The following TCF4 variants were observed in gnomAD, a reference collection of about 807,000 sequenced individuals.
TCF4 encodes transcription factor 4, also known as SL3-3 enhancer factor 2.
In TCF4, 3 loss-of-function variants were observed where a neutral mutation model predicts 82.1. The ratio of observed to expected loss-of-function variants is 0.04; its 90% CI spans 0.02 to 0.09. The LOEUF (loss-of-function observed/expected upper bound fraction) is 0.09. Ranked by LOEUF, TCF4 falls within the 10% of genes least tolerant of loss-of-function variation. The pLI is 1.00. For missense variants in TCF4, 518 were observed against 852.7 expected, an observed-to-expected ratio of 0.61 and a Z score of 4.89; for synonymous variants, 276 against 309.6, an observed-to-expected ratio of 0.89 and a Z score of 1.14.
chr18:55,454,255 G>C (rs558182017), intron 5 of TCF4, among the ~76,000 whole-genome samples: 1 of 152,120 alleles, frequency 6.6e-6, no homozygotes, highest in Non-Finnish European at 1.5e-5. Context: ...AATATGGCCC[G>C]TTTCCTATCT....
chr18:55,334,027 A>AT lies in TCF4; in HGVS notation c.549+16331dup, dbSNP rs986562884. Reference sequence around the variant, plus strand: ...ATTGATTTACATTGATCTCAAGGGTATTTTTTTTTCTCTGATTTTTACCCA... The same window carrying AT: ...ATTGATTTACATTGATCTCAAGGGTATTTTTTTTTTCTCTGATTTTTACCCA... On this transcript the variant is annotated intron_variant, in intron 8 of 19. Transcript: ENST00000354452. 1.3e-3 allele frequency among the ~76,000 whole-genome samples: 200 copies of AT among 151,286 alleles called. 1 individual carries two copies. Among genetic ancestry groups the AT allele is most frequent in the African/African-American group, 4.3e-3 (179 of 41,230 alleles).
Position 55,461,003 on chromosome 18 carries a change from T to G in TCF4, c.304+16A>C, listed in dbSNP as rs758754562. On this transcript the variant is annotated intron_variant, in intron 5 of 19. Transcript: ENST00000354452. ...GAGCATTCAAAAAGTGTAAGTTAATTTAAAATGGGTCTTACTTTGTATTCT... is the reference window on the plus strand; with the variant it reads ...GAGCATTCAAAAAGTGTAAGTTAATGTAAAATGGGTCTTACTTTGTATTCT... The G allele has an allele frequency of 6.2e-7, 1 of 1,609,790 alleles. No individual in the cohort carries two copies. Among genetic ancestry groups the G allele is most frequent in the East Asian group, 2.2e-5 (1 of 44,776 alleles).
intron 6 of TCF4, among the ~76,000 whole-genome samples, chr18:55,402,445 A>G (rs2093877036): frequency 6.6e-6 from 1 of 152,016 alleles, no homozygotes; most frequent in Non-Finnish European, 1.5e-5. Flanking sequence ...CATCAAGAAC[A>G]TCAGAGGGTG....
chr18:55,604,693 C>T (rs757552007), intron 2 of TCF4, among the ~76,000 whole-genome samples: 2 of 152,166 alleles, frequency 1.3e-5, no homozygotes, highest in South Asian at 2.1e-4. Context: ...AAACCAACTT[C>T]TGTAAAGGAT....
At chr18:55,261,872 T>C (rs528177843) in intron 11 of TCF4, among the ~76,000 whole-genome samples, 87 of 152,246 alleles carry the variant, frequency 5.7e-4, no homozygotes, top group African/African-American at 2.1e-3. Flanking sequence ...GTCCTCAGAG[T>C]CTGGCTTTTC....
chr18:55,249,791 G>A (rs1035115515), intron 15 of TCF4, among the ~76,000 whole-genome samples: 2 of 152,174 alleles, frequency 1.3e-5, no homozygotes, highest in African/African-American at 4.8e-5. Flanking sequence ...CGTAGTTGCT[G>A]ACTCTACCAA....
Position 55,228,001 on chromosome 18 carries a change from G to C in TCF4, c.*34C>G. On this transcript the variant is annotated 3_prime_UTR_variant, in exon 20 of 20. Transcript: ENST00000354452. ...ACAGCTGTTAAGGAAGTGGTCTCTT[G>C]TTTTAATGAAGCAATGTGGCAACTT... 3.7e-6 allele frequency: 2 copies of C among 546,208 alleles called. No individual in the cohort carries two copies. The highest frequency in any genetic ancestry group is 6.4e-6 in the Non-Finnish European group (2 of 310,880). 33.8% of individuals were successfully genotyped at this position (546,208 alleles called of 1,614,324 possible).
At chr18:55,353,816 T>G (rs1455253703) in intron 6 of TCF4, among the ~76,000 whole-genome samples, 1 of 152,232 alleles carries the variant, frequency 6.6e-6, no homozygotes, top group Non-Finnish European at 1.5e-5. Flanking sequence ...GTTTATATTA[T>G]GAATTTACCT....
intron 3 of TCF4, among the ~76,000 whole-genome samples, chr18:55,527,204 AC>A (rs1352934427): frequency 2.6e-5 from 4 of 152,088 alleles, no homozygotes; most frequent in African/African-American, 9.7e-5. Flanking sequence ...GGCAACACTG[AC>A]CCCATAACAA....
intron 2 of TCF4, chr18:55,631,255 G>C: frequency 1.1e-6 from 1 of 870,004 alleles, no homozygotes; most frequent in Non-Finnish European, 1.8e-6. Flanking sequence ...TCATCATGTT[G>C]GCCAGGCTGT....
At chr18:55,527,005 G>A (rs774310536) in intron 3 of TCF4, among the ~76,000 whole-genome samples, 4 of 152,084 alleles carry the variant, frequency 2.6e-5, no homozygotes, top group Non-Finnish European at 5.9e-5. Context: ...AGGGAGTCTG[G>A]ACAGATATTT....
At chr18:55,336,302 C>T (rs968695427) in intron 8 of TCF4, among the ~76,000 whole-genome samples, 3 of 151,764 alleles carry the variant, frequency 2.0e-5, no homozygotes, top group Admixed American at 6.6e-5. Flanking sequence ...TCTGTGTATA[C>T]ATTTTTTTTT....
intron 15 of TCF4, among the ~76,000 whole-genome samples, chr18:55,235,742 T>TAACTCAC (rs1396482492): frequency 6.6e-6 from 1 of 152,226 alleles, no homozygotes; most frequent in African/African-American, 2.4e-5. Context: ...TAAGTGAGCA[T>TAACTCAC]TTACACAGGA....
In TCF4 at chr18:55,224,299, A is replaced by G. The variant is rs1023143808; in HGVS notation, c.*3736T>C. ...GAGTATGGCAAAACCAGCACTGCAC[A>G]AAGATGAGTCCACTTCAAGTCCCAT... On this transcript the variant is annotated 3_prime_UTR_variant, in exon 20 of 20. Coordinates refer to ENST00000354452, the MANE Select transcript of TCF4 (RefSeq NM_001083962.2). 9 of 152,592 alleles carry G rather than the reference A, an allele frequency of 5.9e-5. No individual in the cohort carries two copies. The highest frequency in any genetic ancestry group is 2.2e-4 in the African/African-American group (9 of 41,438). 9.5% of individuals were successfully genotyped at this position (152,592 alleles called of 1,614,324 possible).
chr18:55,621,848 G>A (rs1430283500), intron 2 of TCF4, among the ~76,000 whole-genome samples: 3 of 21,236 alleles, frequency 1.4e-4, no homozygotes, highest in Admixed American at 1.4e-3. Context: ...TATATACAAT[G>A]TATGTATTAT....
At chr18:55,432,767 G>T (rs150220725) in intron 5 of TCF4, among the ~76,000 whole-genome samples, 1 of 152,234 alleles carries the variant, frequency 6.6e-6, no homozygotes, top group African/African-American at 2.4e-5. Flanking sequence ...AACTACTATG[G>T]GTGTAAACAC....
intron 5 of TCF4, among the ~76,000 whole-genome samples, chr18:55,430,734 G>A (rs975865759): frequency 6.6e-6 from 1 of 152,110 alleles, no homozygotes; most frequent in African/African-American, 2.4e-5. Context: ...AAGACAAAAC[G>A]AACAGGGCTA....
In TCF4 at chr18:55,229,080, T is replaced by C. The variant is rs1278454881; in HGVS notation, c.1650-4A>G. 1 of 1,613,832 alleles carries C rather than the reference T, an allele frequency of 6.2e-7. No homozygotes were observed. Among genetic ancestry groups the C allele is most frequent in the African/African-American group, 1.3e-5 (1 of 74,910 alleles). ...CAGGTCCTCATCGTCATTATTGCTG[T>C]GGGACAAAAGGGATGCAACATTTTC... On this transcript the variant is annotated splice_polypyrimidine_tract_variant and splice_region_variant and intron_variant, in intron 17 of 19. Transcript: ENST00000354452.
intron 3 of TCF4, among the ~76,000 whole-genome samples, chr18:55,561,800 T>A (rs2097357546): frequency 6.6e-6 from 1 of 152,214 alleles, no homozygotes; most frequent in Admixed American, 6.5e-5. Flanking sequence ...AAAACTGTCC[T>A]CATTCATTGT....
Sources: gnomAD v4.1 joint callset for allele counts (sites outside exome capture counted in the v4.1 genomes callset) on GRCh38, gnomAD v4.1.1 for gene constraint, MANE v1.5 for transcripts, NCBI Gene and HGNC (gene_info 2026-07-23, HGNC 2026-07-21) for gene names.